VKORC1L1: variants seen among roughly 807,000 people sequenced by gnomAD.
VKORC1L1 encodes the protein vitamin K epoxide reductase complex subunit 1-like protein 1.
A neutral mutation model predicts 18.9 loss-of-function variants in VKORC1L1; 2 were observed. The observed-to-expected ratio is 0.11, with a 90% CI of 0.04 to 0.33. VKORC1L1 has a LOEUF of 0.33. Among genes scored for constraint, VKORC1L1 ranks in the 10% least tolerant of loss-of-function variants. VKORC1L1 has a pLI of 1.00. For missense variants in VKORC1L1, 123 were observed against 224.1 expected (o/e 0.55, Z 2.88); for synonymous variants, 96 against 100.0 (o/e 0.96, Z 0.24).
At chr7:65,925,051 C>G (rs149178931) in intron 1 of VKORC1L1, among the ~76,000 whole-genome samples, 1 of 152,266 alleles carries the variant, frequency 6.6e-6, no homozygotes, top group African/African-American at 2.4e-5. Flanking sequence ...TCTCCCTGAA[C>G]ACTCTTCTTC....
At chr7:65,901,499 A>G (rs1403414227) in intron 1 of VKORC1L1, among the ~76,000 whole-genome samples, 1 of 152,244 alleles carries the variant, frequency 6.6e-6, no homozygotes, top group East Asian at 1.9e-4. Context: ...ATTTGTAGGC[A>G]TTGGGTAACA....
intron 1 of VKORC1L1, among the ~76,000 whole-genome samples, chr7:65,897,695 CTTT>C (rs67153520): frequency 4.4e-5 from 6 of 137,662 alleles, no homozygotes; most frequent in African/African-American, 5.3e-5. Context: ...GGCTTATAAT[CTTT>C]TTTTTTTTTT....
At chr7:65,866,514 A>T in the VKORC1L1 span, among the ~76,000 whole-genome samples, 23 of 152,168 alleles carry the variant, frequency 1.5e-4, no homozygotes, top group Admixed American at 5.9e-4. Flanking sequence ...TAGAGAGGAA[A>T]TCCTAAAAAG....
At chr7:65,895,480 A>AATATATATATATATATAT (rs1162173957) in intron 1 of VKORC1L1, among the ~76,000 whole-genome samples, 2 of 42,772 alleles carry the variant, frequency 4.7e-5, no homozygotes, top group Non-Finnish European at 3.9e-5. Flanking sequence ...AAAAAAAAAA[A>AATATATATATATATATAT]ATATATATAT....
At chr7:65,945,668 G>C (rs1257153523) in intron 1 of VKORC1L1, among the ~76,000 whole-genome samples, 1 of 152,080 alleles carries the variant, frequency 6.6e-6, no homozygotes, top group African/African-American at 2.4e-5. Context: ...TCTGGGATGA[G>C]AACTGACTTG....
intron 1 of VKORC1L1, among the ~76,000 whole-genome samples, chr7:65,919,019 C>T (rs1417181266): frequency 6.6e-6 from 1 of 152,148 alleles, no homozygotes; most frequent in Non-Finnish European, 1.5e-5. Context: ...TGCTTGAATC[C>T]AGGAGATGAA....
At chr7:65,953,974 T>A in intron 2 of VKORC1L1, 100 bp from the exon 3 acceptor site, 1 of 1,073,798 alleles carries the variant, frequency 9.3e-7, no homozygotes, top group Non-Finnish European at 1.3e-6. Context: ...AAGATCAGTA[T>A]TCAAACACTG....
At chr7:65,932,075 A>G (rs1789867170) in intron 1 of VKORC1L1, among the ~76,000 whole-genome samples, 1 of 151,848 alleles carries the variant, frequency 6.6e-6, no homozygotes, top group Non-Finnish European at 1.5e-5. Context: ...TGCTTGCTTT[A>G]GATCTAAATT....
chr7:65,923,482 A>C (rs1457571335), intron 1 of VKORC1L1, among the ~76,000 whole-genome samples: 1 of 152,112 alleles, frequency 6.6e-6, no homozygotes, highest in Non-Finnish European at 1.5e-5. Flanking sequence ...TCCTTGAATG[A>C]GAGCGTGTGA....
intron 1 of VKORC1L1, among the ~76,000 whole-genome samples, chr7:65,883,522 C>T (rs1362709392): frequency 2.7e-5 from 4 of 146,052 alleles, no homozygotes; most frequent in East Asian, 2.1e-4. Context: ...TTTTTTGAGA[C>T]GGAGTTTCAC....
chr7:65,897,819 AAAT>A (rs1280878642), intron 1 of VKORC1L1, among the ~76,000 whole-genome samples: 49 of 152,236 alleles, frequency 3.2e-4, no homozygotes, highest in African/African-American at 1.2e-3. Context: ...ATTTTAATAT[AAAT>A]AAAAATAGTG....
chr7:65,888,447 T>C (rs1427255469), intron 1 of VKORC1L1, among the ~76,000 whole-genome samples: 1 of 152,150 alleles, frequency 6.6e-6, no homozygotes, highest in African/African-American at 2.4e-5. Context: ...ACCCTTTTCA[T>C]CTTCCCAGTT....
At chr7:65,941,230 C>T (rs1023633257) in intron 1 of VKORC1L1, among the ~76,000 whole-genome samples, 10 of 152,180 alleles carry the variant, frequency 6.6e-5, no homozygotes, top group Non-Finnish European at 1.5e-4. Context: ...ATCAGCCTTC[C>T]AAGTAGCTGG....
chr7:65,909,749 G>C (rs905102086), intron 1 of VKORC1L1, among the ~76,000 whole-genome samples: 35 of 130,184 alleles, frequency 2.7e-4, no homozygotes, highest in Non-Finnish European at 4.3e-4. Flanking sequence ...ACGGAGGCTT[G>C]CTCTGTCGCC....
intron 2 of VKORC1L1, among the ~76,000 whole-genome samples, chr7:65,953,814 G>A (rs1790250237): frequency 6.6e-6 from 1 of 152,192 alleles, no homozygotes; most frequent in South Asian, 2.1e-4. Flanking sequence ...TGCATGAGTT[G>A]AGATTGTGCC....
At chr7:65,912,254 A>G (rs1789514134) in intron 1 of VKORC1L1, among the ~76,000 whole-genome samples, 1 of 152,268 alleles carries the variant, frequency 6.6e-6, no homozygotes, top group African/African-American at 2.4e-5. Context: ...TAAAGTAGGC[A>G]TGAGCTGTGC....
intron 1 of VKORC1L1, among the ~76,000 whole-genome samples, chr7:65,875,969 G>T (rs924062732): frequency 6.6e-6 from 1 of 152,126 alleles, no homozygotes; most frequent in African/African-American, 2.4e-5. Context: ...ATCCAAACAC[G>T]GTAAGGTAGA....
intron 1 of VKORC1L1, among the ~76,000 whole-genome samples, chr7:65,919,968 A>C (rs999916043): frequency 2.0e-5 from 3 of 152,118 alleles, no homozygotes; most frequent in African/African-American, 4.8e-5. Flanking sequence ...CAAAGTCATC[A>C]TCATGGCCTA....
intron 1 of VKORC1L1, among the ~76,000 whole-genome samples, chr7:65,944,570 G>T (rs1309152816): frequency 1.3e-5 from 2 of 151,582 alleles, no homozygotes; most frequent in Non-Finnish European, 2.9e-5. Flanking sequence ...ACACTCTTGT[G>T]CTCACTTTGT....
Sources: allele counts gnomAD v4.1 joint callset (sites outside exome capture counted in the v4.1 genomes callset), GRCh38; gene constraint gnomAD v4.1.1; transcripts MANE v1.5; gene names NCBI Gene and HGNC (gene_info 2026-07-23, HGNC 2026-07-21).